The following SH3RF2 variants were observed in gnomAD, a reference collection of about 807,000 sequenced individuals.
The protein encoded by SH3RF2 is E3 ubiquitin-protein ligase SH3RF2.
SH3RF2 carries 43 observed loss-of-function variants against 59.0 expected under a neutral mutation model. The ratio of observed to expected loss-of-function variants is 0.73; its 90% CI spans 0.57 to 0.94. The LOEUF (loss-of-function observed/expected upper bound fraction) is 0.94. SH3RF2 is among the 40% of genes least tolerant of loss of function. SH3RF2 has a pLI of 0.00. For synonymous variants in SH3RF2, 391 were observed against 391.5 expected (o/e 1.00, Z 0.01); for missense variants, 930 against 940.1 (o/e 0.99, Z 0.14).
chr5:145,944,536 T>G (rs1012658937), intron 2 of SH3RF2, among the ~76,000 whole-genome samples: 9 of 152,104 alleles, frequency 5.9e-5, no homozygotes, highest in African/African-American at 1.9e-4. Context: ...CTTCTATTTA[T>G]TCATGCTTGT....
chr5:145,945,453 A>G (rs763277162), intron 2 of SH3RF2, among the ~76,000 whole-genome samples: 34 of 152,346 alleles, frequency 2.2e-4, no homozygotes, highest in Middle Eastern at 6.8e-3. Flanking sequence ...GACTCAAGAA[A>G]TGATGGTTTA....
chr5:146,008,643 C>T (rs569786840), intron 4 of SH3RF2, among the ~76,000 whole-genome samples: 6 of 152,286 alleles, frequency 3.9e-5, no homozygotes, highest in Non-Finnish European at 8.8e-5. Context: ...TTTTTATTTA[C>T]ATACAGTAAA....
intron 2 of SH3RF2, among the ~76,000 whole-genome samples, chr5:145,983,717 G>A (rs917580144): frequency 5.3e-5 from 8 of 152,136 alleles, no homozygotes; most frequent in African/African-American, 1.9e-4. Context: ...GGCACTTTTT[G>A]TCACTCATCA....
chr5:145,978,648 T>G (rs1447240300), intron 2 of SH3RF2, among the ~76,000 whole-genome samples: 1 of 151,592 alleles, frequency 6.6e-6, no homozygotes, highest in Non-Finnish European at 1.5e-5. Context: ...TCTACAATAT[T>G]TAGGAGGCAG....
chr5:146,061,884 G>A (rs1464007150), intron 9 of SH3RF2, among the ~76,000 whole-genome samples: 2 of 152,072 alleles, frequency 1.3e-5, no homozygotes, highest in Middle Eastern at 3.4e-3. Flanking sequence ...CAATTTTTAT[G>A]TGTTGGCGAG....
chr5:146,079,880 G>A (rs1763396738), exon 10 of SH3RF2: 1 of 152,190 alleles, frequency 6.6e-6, no homozygotes, highest in South Asian at 2.1e-4. Flanking sequence ...TGTCTTCAAA[G>A]CCCTCTTAGT....
intron 2 of SH3RF2, among the ~76,000 whole-genome samples, chr5:145,989,401 T>A (rs1274273837): frequency 1.3e-5 from 2 of 152,244 alleles, no homozygotes; most frequent in Non-Finnish European, 2.9e-5. Flanking sequence ...AGAACAGTAA[T>A]TCCTGAATGT....
rs773178594 is a variant in SH3RF2 at position 146,056,015 on chromosome 5, G to A, written c.1357G>A (p.Gly453Ser). Residue 453 changes from glycine (G) to serine (S), a missense_variant, in exon 8 of 10, where the codon GGT becomes AGT. By Grantham distance (56) the Gly-to-Ser change is moderately conservative. Transcript: ENST00000359120. The part of the protein sequence containing the change: ...TSSFPDSRSP[G>S]LYTTWTLSTS... ...TAGTTTTCCAGACTCCCGGAGCCCTGGTCTCTACACCACATGGACGTTATC... is the reference window on the plus strand; with the variant it reads ...TAGTTTTCCAGACTCCCGGAGCCCTAGTCTCTACACCACATGGACGTTATC... The A allele has an allele frequency of 3.7e-6, 6 of 1,614,146 alleles. No homozygotes were observed. Among genetic ancestry groups the A allele is most frequent in the South Asian group, 2.2e-5 (2 of 91,076 alleles).
exon 10 of SH3RF2, chr5:146,078,979 C>T (rs1237666251): frequency 6.6e-6 from 1 of 152,238 alleles, no homozygotes; most frequent in East Asian, 1.9e-4. Context: ...ACCCCCAGCC[C>T]GACTCCCCAC....
At chr5:146,011,625 T>A (rs1173568083) in intron 4 of SH3RF2, among the ~76,000 whole-genome samples, 1 of 152,184 alleles carries the variant, frequency 6.6e-6, no homozygotes, top group African/African-American at 2.4e-5. Flanking sequence ...CCTAGGTATT[T>A]TATTCTCTTT....
chr5:145,990,191 G>A (rs1315248800), intron 2 of SH3RF2, among the ~76,000 whole-genome samples: 4 of 152,140 alleles, frequency 2.6e-5, no homozygotes, highest in Non-Finnish European at 5.9e-5. Context: ...TACCTATCTA[G>A]CTTGCTATAT....
chr5:145,944,634 C>T (rs1232763990), intron 2 of SH3RF2, among the ~76,000 whole-genome samples: 1 of 152,190 alleles, frequency 6.6e-6, no homozygotes, highest in African/African-American at 2.4e-5. Context: ...TAAAGTAAAA[C>T]TAAACATTTT....
intron 9 of SH3RF2, among the ~76,000 whole-genome samples, chr5:146,062,051 T>G (rs1762912560): frequency 6.6e-6 from 1 of 152,138 alleles, no homozygotes; most frequent in Non-Finnish European, 1.5e-5. Context: ...GAGATTGGCC[T>G]TAATAGTACG....
chr5:145,972,335 C>T (rs1426482669), intron 2 of SH3RF2, among the ~76,000 whole-genome samples: 1 of 152,180 alleles, frequency 6.6e-6, no homozygotes, highest in Non-Finnish European at 1.5e-5. Flanking sequence ...ATAGCAAAGG[C>T]TCTGTTTCTA....
At chr5:146,047,334 A>T (rs538442014) in intron 5 of SH3RF2, among the ~76,000 whole-genome samples, 3 of 152,212 alleles carry the variant, frequency 2.0e-5, no homozygotes, top group East Asian at 1.9e-4. Context: ...TTTAATAAGG[A>T]TTAACTTAGC....
chr5:146,047,688 C>G, intron 5 of SH3RF2, 84 bp from the exon 6 acceptor site: 1 of 1,303,362 alleles, frequency 7.7e-7, no homozygotes, highest in Admixed American at 1.9e-5. Context: ...TGTGTCAGGT[C>G]TTTCTACGTA....
At chr5:145,970,540 G>A (rs1288775724) in intron 2 of SH3RF2, among the ~76,000 whole-genome samples, 1 of 152,070 alleles carries the variant, frequency 6.6e-6, no homozygotes, top group African/African-American at 2.4e-5. Flanking sequence ...ATTTAGGCTG[G>A]TTCTATATTT....
At chr5:146,015,262 A>G (rs761570194) in intron 5 of SH3RF2, among the ~76,000 whole-genome samples, 3 of 152,156 alleles carry the variant, frequency 2.0e-5, no homozygotes, top group Non-Finnish European at 4.4e-5. Flanking sequence ...CTGGGTTGCT[A>G]AGAAGTTGGC....
intron 9 of SH3RF2, among the ~76,000 whole-genome samples, chr5:146,072,084 A>G (rs1415283907): frequency 2.0e-5 from 3 of 152,218 alleles, no homozygotes. Context: ...GAGAAATGTG[A>G]CATGAAAAGG....
Sources: gnomAD v4.1 joint callset for allele counts (sites outside exome capture counted in the v4.1 genomes callset) on GRCh38, gnomAD v4.1.1 for gene constraint, MANE v1.5 for transcripts, NCBI Gene and HGNC (gene_info 2026-07-23, HGNC 2026-07-21) for gene names.